Variants in DTNA observed in about 807,000 individuals in gnomAD.
DTNA encodes dystrophin-related protein 3.
In DTNA, 43 loss-of-function variants were observed where a neutral mutation model predicts 100.7. That is an observed-to-expected ratio of 0.43 (90% CI 0.33 to 0.55). The LOEUF (loss-of-function observed/expected upper bound fraction) is 0.55. DTNA is among the 20% of genes least tolerant of loss of function. The pLI, the probability that DTNA is intolerant of heterozygous loss-of-function variation, is 0.04. For missense variants in DTNA, 798 were observed against 953.9 expected, an observed-to-expected ratio of 0.84 and a Z score of 2.15; for synonymous variants, 349 against 347.9, an observed-to-expected ratio of 1.00 and a Z score of -0.04.
intron 1 of DTNA, among the ~76,000 whole-genome samples, chr18:34,734,923 C>T (rs2089211889): frequency 1.3e-5 from 2 of 152,154 alleles, no homozygotes; most frequent in African/African-American, 4.8e-5. Flanking sequence ...AAGCAGCCAA[C>T]TCCAGAAGCC....
At chr18:34,571,268 ATTTAAC>A (rs998055315) in intron 1 of DTNA, among the ~76,000 whole-genome samples, 1 of 152,150 alleles carries the variant, frequency 6.6e-6, no homozygotes, top group East Asian at 1.9e-4. Context: ...AGTCCTCCAT[ATTTAAC>A]TTTAAGTCTC....
chr18:34,637,050 C>T (rs1033013833), intron 1 of DTNA, among the ~76,000 whole-genome samples: 2 of 152,104 alleles, frequency 1.3e-5, no homozygotes, highest in Non-Finnish European at 2.9e-5. Context: ...GCTTAATACC[C>T]TCCAAAAAGG....
chr18:34,781,587 T>C (rs900249514), intron 3 of DTNA, among the ~76,000 whole-genome samples: 1 of 152,164 alleles, frequency 6.6e-6, no homozygotes, highest in Non-Finnish European at 1.5e-5. Context: ...ATAAATGACC[T>C]GTACTGCTGA....
intron 1 of DTNA, among the ~76,000 whole-genome samples, chr18:34,746,829 T>G (rs2091657986): frequency 6.6e-6 from 1 of 152,082 alleles, no homozygotes; most frequent in Non-Finnish European, 1.5e-5. Context: ...TTCCTCATAG[T>G]AAGGGGGAGG....
At chr18:34,729,708 G>A (rs1259268284) in intron 1 of DTNA, among the ~76,000 whole-genome samples, 1 of 152,038 alleles carries the variant, frequency 6.6e-6, no homozygotes, top group Admixed American at 6.6e-5. Flanking sequence ...CACTCTCAAA[G>A]ATACAAAAGT....
At chr18:34,752,774 T>C (rs1239211600) in intron 1 of DTNA, among the ~76,000 whole-genome samples, 1 of 152,234 alleles carries the variant, frequency 6.6e-6, no homozygotes, top group Non-Finnish European at 1.5e-5. Context: ...GTGTAACTAA[T>C]GATGGTTCTT....
At chr18:34,769,509 A>AT (rs1055457102) in intron 3 of DTNA, among the ~76,000 whole-genome samples, 1 of 151,982 alleles carries the variant, frequency 6.6e-6, no homozygotes, top group African/African-American at 2.4e-5. Context: ...TTGTAAGTGC[A>AT]TTTTTTTATT....
rs896071964 is a variant in DTNA at position 34,875,305 on chromosome 18, A to G, written c.1810A>G (p.Ile604Val). 1.9e-6 allele frequency: 3 copies of G among 1,614,040 alleles called. No individual in the cohort carries two copies. Among genetic ancestry groups the G allele is most frequent in the African/African-American group, 2.7e-5 (2 of 74,922 alleles). The stretch of plus-strand genomic sequence containing the variant: ...CATCAGCAGGCCAATTCCCATGCCC[A>G]TCCGGTCAGCGTCAGCCTGCTCCAC... ...HTISRPIPMP[I>V]RSASACSTPT... The change falls in exon 18 of 23, where the codon ATC becomes GTC. Residue 604 changes from isoleucine (I) to valine (V), a missense_variant. Around this residue, in one of 6 missense-constraint regions of DTNA, gnomAD observed 242 missense variants for 238.2 expected, o/e 1.02. Transcript: ENST00000444659.
chr18:34,578,046 G>GT (rs554311316), intron 1 of DTNA, among the ~76,000 whole-genome samples: 3 of 151,206 alleles, frequency 2.0e-5, no homozygotes, highest in Non-Finnish European at 4.4e-5. Flanking sequence ...TGTCCACACT[G>GT]TTTTCCATAG....
chr18:34,776,982 T>C lies in DTNA; in HGVS notation c.148+10941T>C, dbSNP rs925846706. On this transcript the variant is annotated intron_variant, in intron 3 of 22. Transcript: ENST00000444659. Reference sequence around the variant, plus strand: ...CCTGTAGCGAACTCAATGGCGGACCTCCTCGTCTTTCTCAATTCTTTGCTC... The same window carrying C: ...CCTGTAGCGAACTCAATGGCGGACCCCCTCGTCTTTCTCAATTCTTTGCTC... 2.6e-5 allele frequency among the ~76,000 whole-genome samples: 4 copies of C among 152,340 alleles called. No individual in the cohort carries two copies. The South Asian group carries it at 8.3e-4, about 32-fold the overall frequency.
chr18:34,741,338 G>A (rs982008480), intron 1 of DTNA, among the ~76,000 whole-genome samples: 9 of 152,094 alleles, frequency 5.9e-5, no homozygotes, highest in African/African-American at 9.7e-5. Flanking sequence ...TGGTATTGGG[G>A]TTACAATGAT....
intron 11 of DTNA, among the ~76,000 whole-genome samples, chr18:34,834,609 C>A (rs1289732065): frequency 6.6e-6 from 1 of 152,168 alleles, no homozygotes; most frequent in Non-Finnish European, 1.5e-5. Flanking sequence ...CCACTTATGA[C>A]AGAAGGCAAA....
intron 1 of DTNA, among the ~76,000 whole-genome samples, chr18:34,661,033 A>T (rs926680416): frequency 9.2e-5 from 14 of 151,802 alleles, no homozygotes; most frequent in African/African-American, 3.4e-4. Context: ...TCAGAGTTTG[A>T]CTCTTTTGTC....
intron 1 of DTNA, among the ~76,000 whole-genome samples, chr18:34,551,854 G>T (rs79477719): frequency 6.6e-6 from 1 of 152,070 alleles, no homozygotes; most frequent in Non-Finnish European, 1.5e-5. Context: ...CCTCTGTGAC[G>T]CATAAGACCC....
At chr18:34,707,355 G>A (rs2082246536), upstream of DTNA, among the ~76,000 whole-genome samples, 2 of 152,162 alleles carry the variant, frequency 1.3e-5, no homozygotes, top group Admixed American at 6.5e-5. Context: ...TGGGTCACAA[G>A]AGCACAGATT....
intron 3 of DTNA, among the ~76,000 whole-genome samples, chr18:34,769,311 A>C (rs2093642017): frequency 6.6e-6 from 1 of 152,200 alleles, no homozygotes; most frequent in African/African-American, 2.4e-5. Context: ...CCTTCCTTCT[A>C]GAAAGTTAGC....
rs2046369766 is a variant in DTNA, at chr18:34,558,803, A to C, written c.-2+65289A>C. On this transcript the variant is annotated intron_variant, in intron 1 of 19. Coordinates refer to the DTNA transcript ENST00000283365. ...CTAAGGACAAATATTCTGAGACTGA[A>C]ATGTATGTGCTGTTATTGAGGAACA... Among the ~76,000 whole-genome samples the C allele has an allele frequency of 2.0e-5, 3 of 152,166 alleles. 1 individual carries two copies. In the South Asian group the frequency reaches 6.2e-4, roughly 32 times the overall value.
chr18:34,686,401 T>C (rs2078906446), intron 1 of DTNA, among the ~76,000 whole-genome samples: 1 of 152,158 alleles, frequency 6.6e-6, no homozygotes, highest in Non-Finnish European at 1.5e-5. Context: ...GATAATCATG[T>C]GGTTTTTGTC....
intron 11 of DTNA, among the ~76,000 whole-genome samples, chr18:34,832,839 A>G (rs2096048637): frequency 1.3e-5 from 2 of 152,306 alleles, no homozygotes; most frequent in East Asian, 1.9e-4. Flanking sequence ...TTTTTTTATT[A>G]TATTTAAGTT....
Sources: gnomAD v4.1 joint callset for allele counts (sites outside exome capture counted in the v4.1 genomes callset) on GRCh38, gnomAD v4.1.1 for gene constraint, gnomAD v4.1.1 regional missense constraint, MANE v1.5 for transcripts, NCBI Gene and HGNC (gene_info 2026-07-23, HGNC 2026-07-21) for gene names.